The following ADORA2B variants were observed in gnomAD, a reference collection of about 807,000 sequenced individuals.
ADORA2B encodes the protein adenosine receptor A2b.
ADORA2B carries 18 observed loss-of-function variants against 20.8 expected under a neutral mutation model. The ratio of observed to expected loss-of-function variants is 0.87; its 90% CI spans 0.60 to 1.29. The LOEUF is 1.29. ADORA2B is among the 50% of genes most tolerant of loss of function. The pLI, the probability that ADORA2B is intolerant of heterozygous loss-of-function variation, is 0.00. For missense variants in ADORA2B, 441 were observed against 422.7 expected (o/e 1.04, Z -0.38); for synonymous variants, 179 against 178.3 (o/e 1.00, Z -0.03).
At chr17:15,871,165 A>G in the ADORA2B span, among the ~76,000 whole-genome samples, 1 of 152,194 alleles carries the variant, frequency 6.6e-6, no homozygotes, top group Non-Finnish European at 1.5e-5. Context: ...TCCCAGAGGT[A>G]TGAAACTATG....
At chr17:15,874,072 A>G in the ADORA2B span, among the ~76,000 whole-genome samples, 9 of 132,818 alleles carry the variant, frequency 6.8e-5, no homozygotes, top group African/African-American at 3.0e-4. Flanking sequence ...GTGTGTGTAT[A>G]TATATATATG....
At chr17:15,902,665 G>A in the ADORA2B span, among the ~76,000 whole-genome samples, 24 of 152,206 alleles carry the variant, frequency 1.6e-4, no homozygotes, top group African/African-American at 5.8e-4. Flanking sequence ...AGCATCCCAC[G>A]AATTGGATAC....
At chr17:15,866,724 G>GCTGCCGCTGCCTCTGCCT in the ADORA2B span, among the ~76,000 whole-genome samples, 16 of 145,234 alleles carry the variant, frequency 1.1e-4, no homozygotes, top group Admixed American at 2.1e-4. Context: ...TGCCTCTGCC[G>GCTGCCGCTGCCTCTGCCT]CTGCCGCTGC....
chr17:15,865,103 G>A, the ADORA2B span, among the ~76,000 whole-genome samples: 1 of 152,134 alleles, frequency 6.6e-6, no homozygotes, highest in African/African-American at 2.4e-5. Flanking sequence ...TGCTTTCAGA[G>A]TTGTTTGCAT....
upstream of ADORA2B, among the ~76,000 whole-genome samples, chr17:15,941,456 A>G (rs1189081415): frequency 6.6e-6 from 1 of 152,150 alleles, no homozygotes; most frequent in Non-Finnish European, 1.5e-5. Flanking sequence ...AGCTGGGTGT[A>G]GTGGCTCACA....
intron 1 of ADORA2B, among the ~76,000 whole-genome samples, 161 bp downstream of exon 1, chr17:15,945,744 G>T (rs1367232499): frequency 6.6e-6 from 1 of 152,144 alleles, no homozygotes; most frequent in East Asian, 1.9e-4. Flanking sequence ...ACCCCGCAAC[G>T]CTAGACCAGT....
chr17:15,894,726 T>G, the ADORA2B span, among the ~76,000 whole-genome samples: 1,522 of 152,290 alleles, frequency 1.0e-2, 22 homozygotes, highest in African/African-American at 0.035. Context: ...AACACCATGG[T>G]GTCTGGTTGG....
chr17:15,924,717 G>A, the ADORA2B span, among the ~76,000 whole-genome samples: 1 of 149,366 alleles, frequency 6.7e-6, no homozygotes, highest in Non-Finnish European at 1.5e-5. Flanking sequence ...TTAAGGCTGG[G>A]CGACAGAGCG....
At chr17:15,939,778 A>G in the ADORA2B span, among the ~76,000 whole-genome samples, 3 of 150,312 alleles carry the variant, frequency 2.0e-5, no homozygotes, top group African/African-American at 4.9e-5. Context: ...GGAGAATGGC[A>G]TGAACCCAGG....
chr17:15,887,951 C>CAAAA, the ADORA2B span, among the ~76,000 whole-genome samples: 1 of 22,230 alleles, frequency 4.5e-5, no homozygotes, highest in Non-Finnish European at 8.0e-5. Flanking sequence ...AAGACTCCAT[C>CAAAA]AAAAAAAAAA....
At chr17:15,855,420 C>T in the ADORA2B span, among the ~76,000 whole-genome samples, 5 of 151,884 alleles carry the variant, frequency 3.3e-5, no homozygotes, top group Non-Finnish European at 7.4e-5. Context: ...TGAGAAGCCA[C>T]CAAAAAGGTA....
chr17:15,930,034 T>C, the ADORA2B span, among the ~76,000 whole-genome samples: 1 of 152,060 alleles, frequency 6.6e-6, no homozygotes, highest in Admixed American at 6.5e-5. Flanking sequence ...TTGGGGAAAC[T>C]GAAGCTATCC....
intron 1 of ADORA2B, among the ~76,000 whole-genome samples, chr17:15,966,292 C>T (rs1970114205): frequency 6.6e-6 from 1 of 152,220 alleles, no homozygotes; most frequent in Admixed American, 6.5e-5. Context: ...TGTACACATT[C>T]CGTCTATGTT....
At chr17:15,912,695 G>A in the ADORA2B span, among the ~76,000 whole-genome samples, 1 of 152,196 alleles carries the variant, frequency 6.6e-6, no homozygotes, top group Non-Finnish European at 1.5e-5. Context: ...ACATGCATAT[G>A]CAGGCATATG....
At chr17:15,908,576 G>T in the ADORA2B span, 2 of 193,536 alleles carry the variant, frequency 1.0e-5, no homozygotes, top group South Asian at 2.1e-4. Context: ...AGACCGGCCT[G>T]ACTGGTAGAG....
intron 1 of ADORA2B, among the ~76,000 whole-genome samples, chr17:15,953,279 A>T (rs1452486591): frequency 6.6e-6 from 1 of 152,202 alleles, no homozygotes; most frequent in Admixed American, 6.5e-5. Flanking sequence ...TTTTGTCCTG[A>T]AGGTGCTGGT....
At chr17:15,923,755 T>G in the ADORA2B span, among the ~76,000 whole-genome samples, 1 of 152,048 alleles carries the variant, frequency 6.6e-6, no homozygotes, top group Non-Finnish European at 1.5e-5. Context: ...TCTTGGAGCT[T>G]TTAGTACATT....
At chr17:15,874,095 TACAC>T in the ADORA2B span, among the ~76,000 whole-genome samples, 24 of 145,920 alleles carry the variant, frequency 1.6e-4, no homozygotes, top group African/African-American at 1.9e-4. Context: ...TATATATGTA[TACAC>T]ACACACACAT....
chr17:15,854,375 A>G, the ADORA2B span, among the ~76,000 whole-genome samples: 1 of 152,260 alleles, frequency 6.6e-6, no homozygotes, highest in African/African-American at 2.4e-5. Context: ...TAAAAAGTAT[A>G]GTCATCTTAG....
Sources: gnomAD v4.1 joint callset for allele counts (sites outside exome capture counted in the v4.1 genomes callset) on GRCh38, gnomAD v4.1.1 for gene constraint, MANE v1.5 for transcripts, NCBI Gene and HGNC (gene_info 2026-07-23, HGNC 2026-07-21) for gene names.